Variants in XPO1 observed in about 807,000 individuals in gnomAD.
XPO1 encodes the protein exportin-1.
Under a neutral mutation model 133.3 loss-of-function variants are expected in XPO1, and 5 were observed. The ratio of observed to expected loss-of-function variants is 0.04; its 90% CI spans 0.02 to 0.08. The LOEUF (loss-of-function observed/expected upper bound fraction) is 0.08, where lower values mean the gene tolerates loss of function less well. XPO1 is among the 10% of genes least tolerant of loss of function. The probability of loss-of-function intolerance (pLI) is 1.00; values close to 1 mark genes in which losing one functional copy is unlikely to be tolerated. For missense variants in XPO1, 506 were observed against 1,267.5 expected, an observed-to-expected ratio of 0.40 and a Z score of 9.12; for synonymous variants, 419 against 408.2, an observed-to-expected ratio of 1.03 and a Z score of -0.32.
At chr2:61,482,330 C>T (rs1391038437) in intron 23 of XPO1, 50 bp downstream of exon 23, 2 of 1,506,100 alleles carry the variant, frequency 1.3e-6, no homozygotes, top group Non-Finnish European at 9.0e-7. Flanking sequence ...CAGGTGTGAG[C>T]CACTGTGCCC....
In XPO1 at chr2:61,482,546, A is replaced by G. The variant is rs1696438788; in HGVS notation, c.2813-7T>C. The G allele has an allele frequency of 1.9e-6, 3 of 1,576,818 alleles. No homozygotes were observed. Among genetic ancestry groups the G allele is most frequent in the Non-Finnish European group, 1.7e-6 (2 of 1,164,120 alleles). ...GATGCATGCATTGTTAAACCTGTTGATAAGAAGAAAATTATTAACTCCAAA... is the reference window on the plus strand; with the variant it reads ...GATGCATGCATTGTTAAACCTGTTGGTAAGAAGAAAATTATTAACTCCAAA... On this transcript the variant is annotated splice_polypyrimidine_tract_variant and splice_region_variant and intron_variant, in intron 22 of 24. Coordinates refer to ENST00000401558, the MANE Select transcript of XPO1 (RefSeq NM_003400.4).
rs1284516630 is a variant in XPO1, at chr2:61,494,104, C to T, written c.1048-13G>A. ...TATAATGAAGGGCCTACACAGAAGA[C>T]CAAAACTGTTAAAATAATTCTTAAA... On this transcript the variant is annotated splice_polypyrimidine_tract_variant and intron_variant, in intron 11 of 24. Transcript: ENST00000401558. 1 of 1,601,910 alleles carries T rather than the reference C, an allele frequency of 6.2e-7. No homozygotes were observed. The highest frequency in any genetic ancestry group is 1.7e-5 in the Admixed American group (1 of 57,226).
intron 4 of XPO1, among the ~76,000 whole-genome samples, chr2:61,508,962 T>G (rs756233907): frequency 2.0e-5 from 3 of 152,158 alleles, no homozygotes; most frequent in African/African-American, 7.2e-5. Flanking sequence ...ACAGTTTAAG[T>G]ACCCCAAATC....
intron 19 of XPO1, among the ~76,000 whole-genome samples, chr2:61,487,698 T>C (rs1199155932): frequency 6.6e-6 from 1 of 152,212 alleles, no homozygotes; most frequent in African/African-American, 2.4e-5. Flanking sequence ...CAGCTGGTTT[T>C]TATTACTGAA....
chr2:61,489,004 AGGCAGGAGAAC>A (rs1383160028), intron 17 of XPO1, among the ~76,000 whole-genome samples: 1 of 152,116 alleles, frequency 6.6e-6, no homozygotes, highest in Non-Finnish European at 1.5e-5. Context: ...CGGGAGGTTG[AGGCAGGAGAAC>A]GGCGTGAACG....
chr2:61,533,661 A>C, intron 2 of XPO1, 111 bp downstream of exon 2: 3 of 1,232,482 alleles, frequency 2.4e-6, no homozygotes, highest in Non-Finnish European at 3.2e-6. Context: ...TTCCAAATTA[A>C]TGCAAACTAT....
intron 4 of XPO1, among the ~76,000 whole-genome samples, chr2:61,511,387 A>G (rs1000328371): frequency 1.3e-5 from 2 of 151,980 alleles, no homozygotes; most frequent in Non-Finnish European, 2.9e-5. Context: ...TCAGCCTCCC[A>G]AAGTCCTGGG....
intron 3 of XPO1, chr2:61,525,331 T>A: frequency 1.0e-6 from 1 of 987,054 alleles, no homozygotes; most frequent in Non-Finnish European, 1.2e-6. Context: ...ACCCCTTTTC[T>A]TCCTATTACA....
chr2:61,478,802 A>C lies in XPO1; in HGVS notation c.*18T>G, dbSNP rs920621418. 2 of 1,610,332 alleles carry C rather than the reference A, an allele frequency of 1.2e-6. No homozygotes were observed. The highest frequency in any genetic ancestry group is 2.2e-5 in the South Asian group (2 of 90,410). ...TGCTAACGAGTTGCAGAGAAAAAAA[A>C]CAGCATGAATTTGGATTTTAATCAC... On this transcript the variant is annotated 3_prime_UTR_variant, in exon 25 of 25. Transcript: ENST00000401558.
intron 4 of XPO1, among the ~76,000 whole-genome samples, chr2:61,519,159 A>G (rs1188644841): frequency 6.6e-6 from 1 of 152,028 alleles, no homozygotes; most frequent in African/African-American, 2.4e-5. Context: ...CCATGTTGGT[A>G]AGACTGGTCT....
intron 23 of XPO1, 42 bp downstream of exon 23, chr2:61,482,338 C>T (rs768570634): frequency 6.5e-7 from 1 of 1,543,556 alleles, no homozygotes; most frequent in East Asian, 2.3e-5. Context: ...AGCCACTGTG[C>T]CCGACCAGGA....
At chr2:61,491,834 A>G (rs112576257) in intron 16 of XPO1, among the ~76,000 whole-genome samples, 318 of 152,294 alleles carry the variant, frequency 2.1e-3, no homozygotes, top group African/African-American at 7.3e-3. Context: ...TGGGAGTTCA[A>G]GGCTGCAGTG....
At chr2:61,495,115 T>C (rs1421162303) in intron 11 of XPO1, among the ~76,000 whole-genome samples, 5 of 152,114 alleles carry the variant, frequency 3.3e-5, no homozygotes, top group Non-Finnish European at 7.4e-5. Context: ...AGTGCTGGGA[T>C]TACACGATGA....
chr2:61,488,050 A>G, intron 19 of XPO1, 115 bp downstream of exon 19: 1 of 868,802 alleles, frequency 1.2e-6, no homozygotes, highest in Non-Finnish European at 1.8e-6. Context: ...ATGCCATAAA[A>G]TAACCACAAA....
intron 2 of XPO1, among the ~76,000 whole-genome samples, chr2:61,526,983 T>C (rs978321047): frequency 2.6e-5 from 4 of 152,074 alleles, no homozygotes; most frequent in African/African-American, 9.7e-5. Flanking sequence ...GCTGAGATTA[T>C]AGGAGTGAGC....
At chr2:61,509,815 C>A (rs1048784706) in intron 4 of XPO1, among the ~76,000 whole-genome samples, 2 of 152,068 alleles carry the variant, frequency 1.3e-5, no homozygotes, top group Non-Finnish European at 2.9e-5. Context: ...TTTTGATACA[C>A]TATTAAAAAT....
intron 21 of XPO1, 169 bp downstream of exon 21, chr2:61,483,768 G>T: frequency 1.5e-6 from 1 of 683,632 alleles, no homozygotes; most frequent in Non-Finnish European, 2.4e-6. Context: ...GACTCACTTG[G>T]AGTGGAGTGG....
chr2:61,525,414 G>A, intron 3 of XPO1: 1 of 995,242 alleles, frequency 1.0e-6, no homozygotes, highest in Non-Finnish European at 1.2e-6. Context: ...AAAAATGATT[G>A]CATAAAAGCC....
chr2:61,529,377 G>T (rs1699053489), intron 2 of XPO1, among the ~76,000 whole-genome samples: 1 of 152,094 alleles, frequency 6.6e-6, no homozygotes, highest in East Asian at 1.9e-4. Context: ...CGTATGCTCG[G>T]GTGGGCACCG....
Sources: allele counts gnomAD v4.1 joint callset (sites outside exome capture counted in the v4.1 genomes callset), GRCh38; gene constraint gnomAD v4.1.1; transcripts MANE v1.5; gene names NCBI Gene and HGNC (gene_info 2026-07-23, HGNC 2026-07-21).